Variants in ADGRL3 observed in about 807,000 individuals in gnomAD.
The protein encoded by ADGRL3 is calcium-independent alpha-latrotoxin receptor 3.
Under a neutral mutation model 153.5 loss-of-function variants are expected in ADGRL3, and 62 were observed. The observed-to-expected ratio is 0.40, with a 90% CI of 0.33 to 0.50. The LOEUF (loss-of-function observed/expected upper bound fraction) is 0.50. ADGRL3 is among the 20% of genes least tolerant of loss of function. The pLI is 0.47. For synonymous variants in ADGRL3, 710 were observed against 672.5 expected (o/e 1.06, Z -0.86); for missense variants, 1,641 against 1,859.4 (o/e 0.88, Z 2.16).
At chr4:61,694,460 G>T (rs1310600745) in intron 6 of ADGRL3, among the ~76,000 whole-genome samples, 6 of 151,974 alleles carry the variant, frequency 3.9e-5, no homozygotes, top group Admixed American at 3.9e-4. Context: ...TTTACATTAT[G>T]CTATAGTCTA....
At chr4:61,224,461 T>G (rs146396873) in intron 1 of ADGRL3, among the ~76,000 whole-genome samples, 9 of 152,350 alleles carry the variant, frequency 5.9e-5, no homozygotes, top group Non-Finnish European at 1.0e-4. Context: ...TAAAGCATTA[T>G]GTATCTTTAT....
At chr4:61,567,398 TG>T (rs1247163187) in intron 4 of ADGRL3, among the ~76,000 whole-genome samples, 3 of 152,166 alleles carry the variant, frequency 2.0e-5, no homozygotes, top group Non-Finnish European at 4.4e-5. Flanking sequence ...GTGGGGCCTT[TG>T]GAAGGTGATA....
At chr4:61,746,551 A>C (rs888784211) in intron 8 of ADGRL3, among the ~76,000 whole-genome samples, 3 of 152,120 alleles carry the variant, frequency 2.0e-5, no homozygotes, top group East Asian at 1.9e-4. Flanking sequence ...GGATTAAGAA[A>C]CTCACTCAAA....
intron 24 of ADGRL3, among the ~76,000 whole-genome samples, chr4:62,044,055 A>AC (rs1729774878): frequency 1.3e-5 from 2 of 152,056 alleles, no homozygotes; most frequent in Non-Finnish European, 2.9e-5. Context: ...TGGCAATTTA[A>AC]TGCATAGTTA....
At chr4:62,008,490 G>C (rs2099169519) in intron 21 of ADGRL3, among the ~76,000 whole-genome samples, 1 of 152,062 alleles carries the variant, frequency 6.6e-6, no homozygotes, top group South Asian at 2.1e-4. Context: ...CTATTGACCA[G>C]TAGATGTTTT....
intron 6 of ADGRL3, among the ~76,000 whole-genome samples, chr4:61,679,159 T>G (rs773389412): frequency 3.9e-5 from 6 of 152,042 alleles, no homozygotes; most frequent in Non-Finnish European, 8.8e-5. Context: ...TTACTCATGG[T>G]ATAAGGTGAA....
chr4:61,294,488 G>GT (rs2094335560), intron 1 of ADGRL3, among the ~76,000 whole-genome samples: 2 of 152,072 alleles, frequency 1.3e-5, no homozygotes, highest in Non-Finnish European at 2.9e-5. Flanking sequence ...CTTAGGCTGG[G>GT]TTTATTGGGA....
chr4:61,906,029 G>A lies in ADGRL3; in HGVS notation c.1888-3531G>A, dbSNP rs184848932. ...CATTATAGGTAAGGATTTCTCTTTTGAGTCTCTTTTTAGGCTTTGTTCTAT... is the reference window on the plus strand; with the variant it reads ...CATTATAGGTAAGGATTTCTCTTTTAAGTCTCTTTTTAGGCTTTGTTCTAT... On this transcript the variant is annotated intron_variant, in intron 11 of 26. Transcript: ENST00000683033. 5.7e-4 allele frequency among the ~76,000 whole-genome samples: 86 copies of A among 151,422 alleles called. 1 individual carries two copies. The East Asian group carries it at 9.1e-3, about 16-fold the overall frequency.
At chr4:61,758,128 C>T (rs2096861031) in intron 8 of ADGRL3, among the ~76,000 whole-genome samples, 1 of 152,154 alleles carries the variant, frequency 6.6e-6, no homozygotes, top group South Asian at 2.1e-4. Flanking sequence ...CTGTAGATGT[C>T]TATTAGGTGC....
intron 17 of ADGRL3, among the ~76,000 whole-genome samples, chr4:61,954,680 G>T (rs2098959632): frequency 6.6e-6 from 1 of 151,966 alleles, no homozygotes; most frequent in Non-Finnish European, 1.5e-5. Context: ...AACATCAGAT[G>T]TGTCCTAGTT....
At chr4:61,793,287 G>A (rs1467486756) in intron 8 of ADGRL3, among the ~76,000 whole-genome samples, 1 of 152,096 alleles carries the variant, frequency 6.6e-6, no homozygotes, top group Non-Finnish European at 1.5e-5. Context: ...AGCCAGTTGT[G>A]GCGGCGGGCG....
chr4:61,904,500 C>T (rs371578567), intron 11 of ADGRL3, among the ~76,000 whole-genome samples: 49 of 152,170 alleles, frequency 3.2e-4, no homozygotes, highest in East Asian at 1.4e-3. Flanking sequence ...TATTGGTCAT[C>T]TACAATTTCA....
chr4:61,668,252 A>C (rs2094869138), intron 5 of ADGRL3, among the ~76,000 whole-genome samples: 2 of 152,230 alleles, frequency 1.3e-5, no homozygotes, highest in African/African-American at 4.8e-5. Flanking sequence ...GTGGGGCCAC[A>C]AGCCGAAGAA....
chr4:61,223,298 C>T (rs1257946213), intron 1 of ADGRL3, among the ~76,000 whole-genome samples: 1 of 152,176 alleles, frequency 6.6e-6, no homozygotes, highest in African/African-American at 2.4e-5. Flanking sequence ...TTATTATCTT[C>T]TCTTGCTTTT....
In ADGRL3 at chr4:61,721,338, G is replaced by A. The variant is rs867416054; in HGVS notation, c.584-9284G>A. 4.6e-5 allele frequency among the ~76,000 whole-genome samples: 7 copies of A among 152,298 alleles called. No homozygotes were observed. The South Asian group carries it at 1.5e-3, about 32-fold the overall frequency. On this transcript the variant is annotated intron_variant, in intron 6 of 26. Coordinates refer to ENST00000683033, the MANE Select transcript of ADGRL3 (RefSeq NM_001387552.1). ...GCCTTCAGTCTGTGGCCAAAGGCCT[G>A]AGAGCCCTTGCAAATCACTGATGTA...
intron 1 of ADGRL3, among the ~76,000 whole-genome samples, chr4:61,334,232 T>A (rs958154857): frequency 6.6e-6 from 1 of 152,124 alleles, no homozygotes; most frequent in Admixed American, 6.5e-5. Context: ...TTTTTTTAAA[T>A]GCTTTTTATA....
chr4:61,719,843 T>C (rs1580442548), intron 6 of ADGRL3, among the ~76,000 whole-genome samples: 1 of 151,766 alleles, frequency 6.6e-6, no homozygotes, highest in East Asian at 2.0e-4. Flanking sequence ...CCTCAAGTGA[T>C]CTGCCCACCT....
chr4:61,541,293 C>T (rs575888011), intron 4 of ADGRL3, among the ~76,000 whole-genome samples: 9 of 150,480 alleles, frequency 6.0e-5, no homozygotes, highest in African/African-American at 2.2e-4. Context: ...TAACTGAAAA[C>T]AGCTGGCTGT....
chr4:61,541,235 A>T (rs1431449642), intron 4 of ADGRL3, among the ~76,000 whole-genome samples: 1 of 151,462 alleles, frequency 6.6e-6, no homozygotes, highest in Non-Finnish European at 1.5e-5. Flanking sequence ...TGTTTGTTCC[A>T]CCCCTGGTGA....
Sources: gnomAD v4.1 joint callset for allele counts (sites outside exome capture counted in the v4.1 genomes callset) on GRCh38, gnomAD v4.1.1 for gene constraint, MANE v1.5 for transcripts, NCBI Gene and HGNC (gene_info 2026-07-23, HGNC 2026-07-21) for gene names.